The following CCDC50 variants were observed in gnomAD, a reference collection of about 807,000 sequenced individuals.
The protein encoded by CCDC50 is coiled-coil domain-containing protein 50.
In CCDC50, 54 loss-of-function variants were observed where a neutral mutation model predicts 70.2. The observed-to-expected ratio is 0.77, with a 90% CI of 0.62 to 0.96. The LOEUF (loss-of-function observed/expected upper bound fraction) is 0.96, where lower values mean the gene tolerates loss of function less well. CCDC50 is among the 50% of genes least tolerant of loss of function. CCDC50 has a pLI of 0.00. For missense variants in CCDC50, 558 were observed against 578.7 expected, an observed-to-expected ratio of 0.96 and a Z score of 0.37; for synonymous variants, 216 against 198.8, an observed-to-expected ratio of 1.09 and a Z score of -0.73.
At position 191,382,784 on chromosome 3, in the gene CCDC50, G is replaced by A. The variant is rs1209146937; in HGVS notation, c.1281G>A (p.Glu427=). 6.2e-7 allele frequency: 1 copy of A among 1,613,144 alleles called. No individual in the cohort carries two copies. The highest frequency in any genetic ancestry group is 2.2e-5 in the East Asian group (1 of 44,838). ...AAGCAGCAAATTCCAAGTCAAAAGAGAGTGATGAACCTCACCATTCTAAGA... is the reference window on the plus strand; with the variant it reads ...AAGCAGCAAATTCCAAGTCAAAAGAAAGTGATGAACCTCACCATTCTAAGA... ...TAKAANSKSK[E]SDEPHHSKNE... Residue 427 remains glutamate (E), a synonymous_variant, in exon 10 of 12, where the codon GAG becomes GAA. Coordinates refer to ENST00000392455, the MANE Select transcript of CCDC50 (RefSeq NM_178335.3).
At chr3:191,339,287 A>G in intron 1 of CCDC50, among the ~76,000 whole-genome samples, 1 of 152,244 alleles carries the variant, frequency 6.6e-6, no homozygotes, top group East Asian at 1.9e-4. Flanking sequence ...ATGGTGTATT[A>G]GAAGTTAACA....
chr3:191,348,979 C>G (rs1712016071), intron 1 of CCDC50, among the ~76,000 whole-genome samples: 1 of 141,892 alleles, frequency 7.0e-6, no homozygotes, highest in Non-Finnish European at 1.6e-5. Flanking sequence ...CAACTCAGAA[C>G]TAAGTTTGCT....
At chr3:191,355,210 C>T (rs1712237683) in intron 1 of CCDC50, among the ~76,000 whole-genome samples, 1 of 152,084 alleles carries the variant, frequency 6.6e-6, no homozygotes, top group African/African-American at 2.4e-5. Context: ...TTAAGACTGA[C>T]TTTTAATATA....
intron 1 of CCDC50, among the ~76,000 whole-genome samples, chr3:191,332,782 C>G (rs1433011771): frequency 1.3e-5 from 2 of 152,186 alleles, no homozygotes; most frequent in African/African-American, 4.8e-5. Context: ...AATCAAGACT[C>G]CCTACTTCCT....
At chr3:191,390,023 G>A (rs1402982818) in intron 11 of CCDC50, among the ~76,000 whole-genome samples, 1 of 126,190 alleles carries the variant, frequency 7.9e-6, no homozygotes, top group Non-Finnish European at 1.9e-5. Context: ...ACCACACTTG[G>A]CTAATTTCTG....
chr3:191,333,251 A>G (rs538026245), intron 1 of CCDC50, among the ~76,000 whole-genome samples: 2 of 152,344 alleles, frequency 1.3e-5, no homozygotes, highest in South Asian at 4.1e-4. Context: ...ACATTTTTAG[A>G]AATGTCTGTA....
chr3:191,398,306 T>C lies in CCDC50; in HGVS notation c.*6546T>C, dbSNP rs1044250637. 4 of 152,258 alleles carry C rather than the reference T, an allele frequency of 2.6e-5. No homozygotes were observed. Among genetic ancestry groups the C allele is most frequent in the African/African-American group, 7.2e-5 (3 of 41,466 alleles). 9.4% of individuals were successfully genotyped at this position (152,258 alleles called of 1,614,324 possible). A position where few individuals can be genotyped will look rare whatever the true frequency, so the allele number is the denominator to read the frequency against. ...CTTTAAACATCAGGTTTAATATTGA[T>C]ATTATGAATAATTTTTAAACCAAAG... On this transcript the variant is annotated 3_prime_UTR_variant, in exon 12 of 12. Transcript: ENST00000392455.
At chr3:191,385,241 G>C (rs540361498) in intron 10 of CCDC50, among the ~76,000 whole-genome samples, 3 of 152,188 alleles carry the variant, frequency 2.0e-5, no homozygotes, top group South Asian at 4.1e-4. Context: ...TCTCCAAACC[G>C]CTTTCCAGAG....
Position 191,375,390 on chromosome 3 carries a change from C to T in CCDC50, c.777C>T (p.Asn259=). The T allele has an allele frequency of 1.2e-6, 2 of 1,613,718 alleles. No individual in the cohort carries two copies. Among genetic ancestry groups the T allele is most frequent in the East Asian group, 2.2e-5 (1 of 44,856 alleles). The change falls in exon 6 of 12, where the codon AAC becomes AAT. Residue 259 remains asparagine (N), a synonymous_variant. Coordinates refer to ENST00000392455, the MANE Select transcript of CCDC50 (RefSeq NM_178335.3). ...GTGATGACTGGGAGACTAAGATTAA[C>T]CATCAGACTCGAAATTGGGAAAAAC... The part of the protein sequence containing the change: ...TECDDWETKI[N]HQTRNWEKQS...
rs370296131 is a variant in CCDC50 at position 191,358,092 on chromosome 3, G to T, written c.207G>T (p.Ala69=). ...AKQLQEEDLK[A]QAQLQKRYKD... ...AGCTCCAAGAGGAAGATCTGAAAGC[G>T]CAGGCCCAGCTCCAGAAGCGCTACA... Residue 69 remains alanine (A), a synonymous_variant, in exon 3 of 12, where the codon GCG becomes GCT. Coordinates refer to ENST00000392455, the MANE Select transcript of CCDC50 (RefSeq NM_178335.3). 1.2e-6 allele frequency: 2 copies of T among 1,613,784 alleles called. No individual in the cohort carries two copies. The highest frequency in any genetic ancestry group is 1.1e-5 in the South Asian group (1 of 91,080).
chr3:191,381,550 CTT>C (rs1221776128), intron 9 of CCDC50, among the ~76,000 whole-genome samples: 3 of 152,112 alleles, frequency 2.0e-5, no homozygotes, highest in Admixed American at 2.0e-4. Context: ...GCTTAGCAGA[CTT>C]TATTCATCAG....
In CCDC50 at chr3:191,397,395, T is replaced by C. The variant is rs1713895895; in HGVS notation, c.*5635T>C. ...CTGTAAACTGCAAGCCAAATGCTCT[T>C]TCTCAGAAAGAGCTATATTTTTCTC... On this transcript the variant is annotated 3_prime_UTR_variant, in exon 12 of 12. Transcript: ENST00000392455. 6.6e-6 allele frequency: 1 copy of C among 152,196 alleles called. No individual in the cohort carries two copies. Among genetic ancestry groups the C allele is most frequent in the African/African-American group, 2.4e-5 (1 of 41,452 alleles). The allele number at this position is 152,196 out of a possible 1,614,324, so 9.4% of individuals were successfully genotyped here.
chr3:191,394,413 C>T lies in CCDC50; in HGVS notation c.*2653C>T, dbSNP rs987519646. 2 of 152,086 alleles carry T rather than the reference C, an allele frequency of 1.3e-5. No homozygotes were observed. Among genetic ancestry groups the T allele is most frequent in the Non-Finnish European group, 2.9e-5 (2 of 67,980 alleles). The allele number at this position is 152,086 out of a possible 1,614,324, so 9.4% of individuals were successfully genotyped here. The stretch of plus-strand genomic sequence containing the variant: ...AACTGTATTTTAATGAACTGCCAGA[C>T]ACTTTTCACTGTGTTCTCTGCTTTT... On this transcript the variant is annotated 3_prime_UTR_variant, in exon 12 of 12. Transcript: ENST00000392455.
At chr3:191,357,877 C>A (rs1712344637) in intron 2 of CCDC50, 121 bp from the exon 3 acceptor site, 5 of 1,214,664 alleles carry the variant, frequency 4.1e-6, no homozygotes, top group Non-Finnish European at 6.1e-6. Context: ...GTTGTTGAGA[C>A]AATAAAATGA....
chr3:191,344,734 A>G (rs1711850912), intron 1 of CCDC50, among the ~76,000 whole-genome samples: 1 of 152,058 alleles, frequency 6.6e-6, no homozygotes, highest in African/African-American at 2.4e-5. Context: ...ACATACCACC[A>G]CACCTGGCTA....
chr3:191,358,812 C>T (rs1398303423), intron 3 of CCDC50, among the ~76,000 whole-genome samples: 3 of 152,014 alleles, frequency 2.0e-5, no homozygotes, highest in African/African-American at 7.3e-5. Flanking sequence ...GTAGATTTAA[C>T]CACAGATACT....
intron 10 of CCDC50, among the ~76,000 whole-genome samples, chr3:191,387,657 C>A (rs383860): frequency 6.6e-6 from 1 of 151,606 alleles, no homozygotes. Flanking sequence ...AGAACAGTAC[C>A]CTTAAGAGCA....
intron 10 of CCDC50, among the ~76,000 whole-genome samples, chr3:191,389,015 G>A (rs1392014304): frequency 6.6e-6 from 1 of 151,626 alleles, no homozygotes; most frequent in Non-Finnish European, 1.5e-5. Context: ...GCCACCTAGT[G>A]GATAAAGGAA....
intron 1 of CCDC50, among the ~76,000 whole-genome samples, chr3:191,354,236 T>C (rs1289192813): frequency 6.6e-6 from 1 of 151,502 alleles, no homozygotes; most frequent in East Asian, 2.0e-4. Flanking sequence ...GTATCTTTTC[T>C]CTTTTTGCTT....
Sources: allele counts gnomAD v4.1 joint callset (sites outside exome capture counted in the v4.1 genomes callset), GRCh38; gene constraint gnomAD v4.1.1; transcripts MANE v1.5; gene names NCBI Gene and HGNC (gene_info 2026-07-23, HGNC 2026-07-21).